COLEC11: variants seen among roughly 807,000 people sequenced by gnomAD.
The protein encoded by COLEC11 is collectin subfamily member 11.
A neutral mutation model predicts 27.3 loss-of-function variants in COLEC11; 20 were observed. The ratio of observed to expected loss-of-function variants is 0.73; its 90% CI spans 0.51 to 1.06. COLEC11 has a LOEUF of 1.06. Among genes scored for constraint, COLEC11 ranks in the 50% least tolerant of loss-of-function variants. COLEC11 has a pLI of 0.00. For synonymous variants in COLEC11, 163 were observed against 154.7 expected, an observed-to-expected ratio of 1.05 and a Z score of -0.40; for missense variants, 310 against 383.0, an observed-to-expected ratio of 0.81 and a Z score of 1.59.
chr2:3,625,956 C>T, intron 3 of COLEC11: 1 of 1,478,090 alleles, frequency 6.8e-7, no homozygotes, highest in Non-Finnish European at 9.4e-7. Context: ...TATTTAACAT[C>T]TCTATTATCT....
At chr2:3,613,651 C>T (rs557232583) in intron 3 of COLEC11, among the ~76,000 whole-genome samples, 1 of 152,316 alleles carries the variant, frequency 6.6e-6, no homozygotes, top group African/African-American at 2.4e-5. Context: ...TAAGCCTCAT[C>T]TGTAAGACGG....
Position 3,628,166 on chromosome 2 carries a change from C to A in COLEC11, c.203-9367C>A, listed in dbSNP as rs528286610. 5.3e-5 allele frequency among the ~76,000 whole-genome samples: 8 copies of A among 152,358 alleles called. No individual in the cohort carries two copies. In the South Asian group the frequency reaches 1.7e-3, roughly 32 times the overall value. ...GGAAAAATATCCTGAGGTTTCATAT[C>A]TTCAAATACCTCTGCAATCTGTGGG... On this transcript the variant is annotated intron_variant, in intron 3 of 6. Transcript: ENST00000349077.
intron 2 of COLEC11, among the ~76,000 whole-genome samples, chr2:3,609,752 ACT>A (rs2147872494): frequency 6.6e-6 from 1 of 152,016 alleles, no homozygotes; most frequent in South Asian, 2.1e-4. Flanking sequence ...CTGGTCTCAA[ACT>A]CTTGACCTCA....
intron 3 of COLEC11, among the ~76,000 whole-genome samples, 187 bp from the exon 4 acceptor site, chr2:3,637,346 A>G (rs868771011): frequency 4.6e-5 from 7 of 152,124 alleles, no homozygotes; most frequent in African/African-American, 7.2e-5. Context: ...AGCTGTATCA[A>G]CAGGCGACCT....
intron 3 of COLEC11, among the ~76,000 whole-genome samples, chr2:3,634,307 AGAT>A (rs1309217250): frequency 6.6e-6 from 1 of 152,188 alleles, no homozygotes; most frequent in Non-Finnish European, 1.5e-5. Flanking sequence ...GATTTCAGAC[AGAT>A]AATAGTTTTT....
intron 2 of COLEC11, chr2:3,606,004 T>G: frequency 1.4e-6 from 2 of 1,463,540 alleles, no homozygotes; most frequent in Non-Finnish European, 1.8e-6. Flanking sequence ...TAGAAAATGT[T>G]TAATTATGTT....
chr2:3,640,582 C>T (rs1280257666), intron 5 of COLEC11, among the ~76,000 whole-genome samples: 3 of 84,362 alleles, frequency 3.6e-5, no homozygotes, highest in Non-Finnish European at 6.3e-5. Flanking sequence ...GACACCCACC[C>T]ACCATGTAGA....
chr2:3,598,085 G>A (rs560665637), intron 1 of COLEC11, among the ~76,000 whole-genome samples: 4 of 152,108 alleles, frequency 2.6e-5, no homozygotes, highest in Non-Finnish European at 4.4e-5. Flanking sequence ...CCAGGCACCC[G>A]CCACCATGCC....
intron 2 of COLEC11, among the ~76,000 whole-genome samples, chr2:3,606,818 C>T (rs947287726): frequency 6.6e-6 from 1 of 152,236 alleles, no homozygotes; most frequent in African/African-American, 2.4e-5. Flanking sequence ...GACTTCATCC[C>T]TGCCGGCCCC....
intron 2 of COLEC11, among the ~76,000 whole-genome samples, chr2:3,607,636 A>G (rs1023953237): frequency 4.0e-5 from 6 of 151,774 alleles, no homozygotes; most frequent in Admixed American, 1.3e-4. Context: ...TTTAGTAGAG[A>G]CGGGGTTTCA....
Position 3,604,794 on chromosome 2 carries a change from T to C in COLEC11, c.130+324T>C, listed in dbSNP as rs116260723. ...TGATCCTCCCCATGAGATGATCTCA[T>C]GTGGACCATTTTACAGATAAGGAAA... On this transcript the variant is annotated intron_variant, in intron 2 of 6. Coordinates refer to ENST00000349077, the MANE Select transcript of COLEC11 (RefSeq NM_024027.5). 4.6e-3 allele frequency among the ~76,000 whole-genome samples: 702 copies of C among 152,298 alleles called. 9 individuals are homozygous for C. The highest frequency in any genetic ancestry group is 0.016 in the African/African-American group (668 of 41,554).
intron 3 of COLEC11, among the ~76,000 whole-genome samples, chr2:3,627,270 C>T (rs1190056626): frequency 1.1e-4 from 16 of 148,628 alleles, no homozygotes. Flanking sequence ...TGACGCTGGT[C>T]ACGATGCTGT....
intron 4 of COLEC11, among the ~76,000 whole-genome samples, chr2:3,638,729 C>T (rs553756146): frequency 1.3e-5 from 2 of 152,346 alleles, no homozygotes; most frequent in African/African-American, 2.4e-5. Context: ...TTCCCTGCCA[C>T]GGCCAATGCA....
chr2:3,635,255 C>T (rs565796744), intron 3 of COLEC11, among the ~76,000 whole-genome samples: 6 of 152,222 alleles, frequency 3.9e-5, no homozygotes, highest in Admixed American at 2.6e-4. Flanking sequence ...CATCCCATCA[C>T]GCACGAGGTT....
chr2:3,640,437 CCT>C (rs1281537250), intron 5 of COLEC11, 106 bp downstream of exon 5: 3 of 716,208 alleles, frequency 4.2e-6, no homozygotes, highest in African/African-American at 3.5e-5. Context: ...GACACCCACC[CCT>C]GTCACATCCC....
chr2:3,610,120 T>C (rs1372873489), intron 2 of COLEC11, among the ~76,000 whole-genome samples: 1 of 152,052 alleles, frequency 6.6e-6, no homozygotes, highest in Admixed American at 6.5e-5. Flanking sequence ...CGCTCTGGGG[T>C]TTTGAAGCCT....
intron 3 of COLEC11, among the ~76,000 whole-genome samples, chr2:3,636,115 G>T (rs189676810): frequency 1.4e-3 from 211 of 152,324 alleles, no homozygotes; most frequent in Admixed American, 3.6e-3. Context: ...AAGGAGGCAG[G>T]TGGCGTCACT....
intron 3 of COLEC11, among the ~76,000 whole-genome samples, chr2:3,620,849 C>T (rs1315496717): frequency 6.6e-6 from 1 of 152,000 alleles, no homozygotes; most frequent in Non-Finnish European, 1.5e-5. Flanking sequence ...TTTCGTTTTC[C>T]TCCTCTTGCT....
chr2:3,603,868 G>A (rs1219718731), intron 1 of COLEC11: 30 of 601,456 alleles, frequency 5.0e-5, no homozygotes, highest in South Asian at 1.9e-4. Context: ...GAATGGAGCC[G>A]CTAAGCTTGG....
Sources: gnomAD v4.1 joint callset for allele counts (sites outside exome capture counted in the v4.1 genomes callset) on GRCh38, gnomAD v4.1.1 for gene constraint, MANE v1.5 for transcripts, NCBI Gene and HGNC (gene_info 2026-07-23, HGNC 2026-07-21) for gene names.